Variants in RAD51B observed in about 807,000 individuals in gnomAD.
RAD51B encodes DNA repair protein RAD51 homolog 2.
RAD51B carries 38 observed loss-of-function variants against 42.2 expected under a neutral mutation model. That is an observed-to-expected ratio of 0.90 (90% CI 0.70 to 1.18). RAD51B has a LOEUF of 1.18. Among genes scored for constraint, RAD51B ranks in the 50% most tolerant of loss-of-function variants. The probability of loss-of-function intolerance (pLI) is 0.00; values close to 1 mark genes in which losing one functional copy is unlikely to be tolerated. For synonymous variants in RAD51B, 154 were observed against 145.2 expected, an observed-to-expected ratio of 1.06 and a Z score of -0.43; for missense variants, 373 against 400.7, an observed-to-expected ratio of 0.93 and a Z score of 0.59.
At chr14:68,043,347 G>A (rs1309290663) in intron 7 of RAD51B, among the ~76,000 whole-genome samples, 1 of 152,142 alleles carries the variant, frequency 6.6e-6, no homozygotes, top group African/African-American at 2.4e-5. Flanking sequence ...ATTTTGCCAA[G>A]CACTTTCCTT....
intron 7 of RAD51B, among the ~76,000 whole-genome samples, chr14:68,087,929 A>C: frequency 8.6e-6 from 1 of 115,942 alleles, no homozygotes; most frequent in Non-Finnish European, 1.6e-5. Flanking sequence ...ATTATATATA[A>C]TTATATAATT....
rs564813656 is a variant in RAD51B, at chr14:68,484,253, C to A, written c.1036+16003C>A. On this transcript the variant is annotated intron_variant, in intron 10 of 10. Transcript: ENST00000487270. ...CATGTTTGCTGAGAGCCAGCCCACTCACTCTCCCTAAAGCAAATGTCTTCA... is the reference window on the plus strand; with the variant it reads ...CATGTTTGCTGAGAGCCAGCCCACTAACTCTCCCTAAAGCAAATGTCTTCA... Among the ~76,000 whole-genome samples, 6 of 152,254 alleles carry A rather than the reference C, an allele frequency of 3.9e-5. No individual in the cohort carries two copies. The South Asian group carries it at 1.2e-3, about 32-fold the overall frequency.
intron 7 of RAD51B, among the ~76,000 whole-genome samples, chr14:67,957,360 A>G (rs1300142069): frequency 6.6e-6 from 1 of 152,228 alleles, no homozygotes; most frequent in Non-Finnish European, 1.5e-5. Context: ...ATTCACAGTC[A>G]TTATTAGGAT....
exon 11 of RAD51B, chr14:68,595,406 A>G (rs1890950262): frequency 9.4e-7 from 1 of 1,066,426 alleles, no homozygotes; most frequent in Non-Finnish European, 1.1e-6. Flanking sequence ...CCATGAACAA[A>G]TGAATTGAGT....
chr14:68,680,960 A>G (rs1000611321), intron 11 of RAD51B, among the ~76,000 whole-genome samples: 1 of 152,052 alleles, frequency 6.6e-6, no homozygotes, highest in African/African-American at 2.4e-5. Flanking sequence ...CCAAGGCAAA[A>G]AAATAACCCT....
chr14:68,264,607 A>T (rs1021619037), intron 7 of RAD51B, among the ~76,000 whole-genome samples: 1 of 152,200 alleles, frequency 6.6e-6, no homozygotes, highest in African/African-American at 2.4e-5. Context: ...AAAGGTAGTA[A>T]AGGTAAAGTA....
In RAD51B at chr14:68,140,638, C is replaced by G. The variant is rs371616715; in HGVS notation, c.757-151246C>G. Among the ~76,000 whole-genome samples, 98 of 152,332 alleles carry G rather than the reference C, an allele frequency of 6.4e-4. 2 individuals are homozygous for G. In the South Asian group the frequency reaches 0.02, roughly 32 times the overall value. ...GCCACTTGGGATGCAAAGCCAAATT[C>G]ACGTCACTTTCAAGGTTCACTAATC... On this transcript the variant is annotated intron_variant, in intron 7 of 10. Coordinates refer to ENST00000471583, the MANE Select transcript of RAD51B (RefSeq NM_133510.4).
chr14:68,058,975 T>C (rs1473250820), intron 7 of RAD51B, among the ~76,000 whole-genome samples: 2 of 152,104 alleles, frequency 1.3e-5, no homozygotes, highest in Non-Finnish European at 2.9e-5. Flanking sequence ...TAGTGAAAAA[T>C]ACTTTGTTCT....
intron 7 of RAD51B, among the ~76,000 whole-genome samples, chr14:68,219,460 C>T (rs193094879): frequency 6.6e-6 from 1 of 152,164 alleles, no homozygotes; most frequent in Admixed American, 6.5e-5. Flanking sequence ...GCTACCTCCA[C>T]TGGAGCAGGT....
intron 7 of RAD51B, among the ~76,000 whole-genome samples, chr14:68,244,566 T>C (rs545356477): frequency 1.3e-5 from 2 of 152,346 alleles, no homozygotes; most frequent in African/African-American, 4.8e-5. Flanking sequence ...GAAGCCATTG[T>C]ATTGTTAGAG....
chr14:68,284,441 C>G (rs1197628135), intron 7 of RAD51B, among the ~76,000 whole-genome samples: 1 of 152,210 alleles, frequency 6.6e-6, no homozygotes, highest in Non-Finnish European at 1.5e-5. Flanking sequence ...TTTGTGGACT[C>G]AACACTTTTA....
At chr14:68,177,242 T>C (rs550251388) in intron 7 of RAD51B, among the ~76,000 whole-genome samples, 1 of 152,326 alleles carries the variant, frequency 6.6e-6, no homozygotes, top group South Asian at 2.1e-4. Flanking sequence ...ACCATCTTTT[T>C]CTGGGTGCCA....
rs769675113 is a variant in RAD51B, at chr14:67,825,484, A to C, written c.105A>C (p.Pro35=). 1.9e-6 allele frequency: 3 copies of C among 1,612,738 alleles called. No homozygotes were observed. The East Asian group carries it at 6.7e-5, about 36-fold the overall frequency. Residue 35 remains proline (P), a synonymous_variant, in exon 3 of 11, where the codon CCA becomes CCC. Coordinates refer to ENST00000471583, the MANE Select transcript of RAD51B (RefSeq NM_133510.4). ...LTCQDFLCLS[P]LELMKVTGLS... ...TTTAGGACTTTTTATGTCTTTCCCC[A>C]CTGGAGCTTATGAAGGTGACTGGTC...
chr14:68,327,859 C>T (rs901761985), intron 8 of RAD51B, among the ~76,000 whole-genome samples: 3 of 152,210 alleles, frequency 2.0e-5, no homozygotes, highest in African/African-American at 7.2e-5. Flanking sequence ...GATCCTGGTA[C>T]ATTTCAGCAC....
At chr14:67,959,489 C>T (rs2074616526) in intron 7 of RAD51B, among the ~76,000 whole-genome samples, 1 of 152,080 alleles carries the variant, frequency 6.6e-6, no homozygotes, top group African/African-American at 2.4e-5. Flanking sequence ...CCTTGTGATC[C>T]TCCTGCCTCA....
rs1048096625 is a variant in RAD51B at position 68,400,202 on chromosome 14, G to A, written c.854-11222G>A. On this transcript the variant is annotated intron_variant, in intron 8 of 10. Coordinates refer to ENST00000471583, the MANE Select transcript of RAD51B (RefSeq NM_133510.4). ...TGCTGGTGTGTCCCCTTGCTGTTCA[G>A]TCAAGTGGGTGGCCACCTGGCTTTC... is the stretch of plus-strand genomic sequence containing the variant. 1.2e-4 allele frequency among the ~76,000 whole-genome samples: 19 copies of A among 152,288 alleles called. 1 individual carries two copies. Among genetic ancestry groups the A allele is most frequent in the Admixed American group, 1.2e-3 (18 of 15,306 alleles).
intron 11 of RAD51B, among the ~76,000 whole-genome samples, chr14:68,676,657 A>G (rs2140159998): frequency 6.6e-6 from 1 of 152,382 alleles, no homozygotes; most frequent in African/African-American, 2.4e-5. Context: ...CTACACCTGC[A>G]CAGGCGCTTC....
At chr14:68,497,167 A>C (rs779111056) in intron 10 of RAD51B, 1 of 1,398,986 alleles carries the variant, frequency 7.1e-7, no homozygotes, top group Non-Finnish European at 9.6e-7. Context: ...AAACCTGTTC[A>C]TCTTGCCAAG....
chr14:68,447,364 G>A (rs2085445137), intron 9 of RAD51B, among the ~76,000 whole-genome samples: 3 of 152,070 alleles, frequency 2.0e-5, no homozygotes. Context: ...GATTACTTAG[G>A]TCTACTTTCC....
Sources: allele counts gnomAD v4.1 joint callset (sites outside exome capture counted in the v4.1 genomes callset), GRCh38; gene constraint gnomAD v4.1.1; transcripts MANE v1.5; gene names NCBI Gene and HGNC (gene_info 2026-07-23, HGNC 2026-07-21).